GSE1: variants seen among roughly 807,000 people sequenced by gnomAD.
GSE1 encodes the protein Gse1 coiled-coil protein.
A neutral mutation model predicts 112.6 loss-of-function variants in GSE1; 32 were observed. The ratio of observed to expected loss-of-function variants is 0.28; its 90% CI spans 0.21 to 0.38. GSE1 has a LOEUF of 0.38. Among genes scored for constraint, GSE1 ranks in the 10% least tolerant of loss-of-function variants. The probability of loss-of-function intolerance (pLI) is 1.00; values close to 1 mark genes in which losing one functional copy is unlikely to be tolerated. For missense variants in GSE1, 2,348 were observed against 1,699.2 expected (o/e 1.38, Z -6.71); for synonymous variants, 1,115 against 735.6 (o/e 1.52, Z -8.35).
rs1273673002 is a variant in GSE1 at position 85,193,737 on chromosome 16, G to A, written c.2283+21930G>A. ...GCCTCCCAAAGTGCTGGGATTACAG[G>A]CATGAGCCACTGCATCCAGCCAATT... On this transcript the variant is annotated intron_variant, in intron 1 of 2. Coordinates refer to the GSE1 transcript ENST00000637419. 2.0e-5 allele frequency among the ~76,000 whole-genome samples: 3 copies of A among 152,212 alleles called. No individual in the cohort carries two copies. In the East Asian group the frequency reaches 5.8e-4, roughly 29 times the overall value.
chr16:85,331,533 ATGTGTATATG>A (rs368267189), intron 1 of GSE1, among the ~76,000 whole-genome samples: 16 of 109,868 alleles, frequency 1.5e-4, no homozygotes, highest in Admixed American at 2.8e-4. Flanking sequence ...ATATGTGTAT[ATGTGTATATG>A]TGTGTATATA....
chr16:85,415,447 C>G (rs984053722), intron 2 of GSE1, among the ~76,000 whole-genome samples: 1 of 152,192 alleles, frequency 6.6e-6, no homozygotes, highest in Non-Finnish European at 1.5e-5. Context: ...CTGGGGTTTG[C>G]TACGGCAAAC....
At chr16:85,622,226 C>T (rs1180045758) in intron 1 of GSE1, among the ~76,000 whole-genome samples, 2 of 152,194 alleles carry the variant, frequency 1.3e-5, no homozygotes, top group Admixed American at 1.3e-4. Flanking sequence ...TCCTGGACAG[C>T]TCCATTCCAA....
intron 1 of GSE1, among the ~76,000 whole-genome samples, chr16:85,271,735 T>A (rs1202672059): frequency 6.6e-6 from 1 of 152,128 alleles, no homozygotes; most frequent in Non-Finnish European, 1.5e-5. Flanking sequence ...TTTCACCCTG[T>A]CTTGGGAGCC....
At chr16:85,539,282 T>C (rs1248964878) in intron 2 of GSE1, among the ~76,000 whole-genome samples, 1 of 152,230 alleles carries the variant, frequency 6.6e-6, no homozygotes, top group African/African-American at 2.4e-5. Flanking sequence ...ATTAGCTGCA[T>C]GCACATGTTT....
intron 2 of GSE1, among the ~76,000 whole-genome samples, chr16:85,455,581 T>C (rs535654896): frequency 2.0e-5 from 3 of 152,288 alleles, no homozygotes; most frequent in East Asian, 3.9e-4. Flanking sequence ...CTCTGCTCAT[T>C]TGGGGGACCC....
chr16:85,238,707 C>T (rs919754419), intron 1 of GSE1, among the ~76,000 whole-genome samples: 3 of 152,224 alleles, frequency 2.0e-5, no homozygotes, highest in Non-Finnish European at 2.9e-5. Context: ...GCCCTTGGGG[C>T]GCTCAGCAGG....
intron 2 of GSE1, among the ~76,000 whole-genome samples, chr16:85,548,450 A>G (rs1347845839): frequency 6.6e-6 from 1 of 151,814 alleles, no homozygotes; most frequent in Admixed American, 6.6e-5. Context: ...CTCTGTCATC[A>G]TGAGATCCAC....
intron 1 of GSE1, among the ~76,000 whole-genome samples, chr16:85,246,929 C>T (rs570031496): frequency 2.0e-5 from 3 of 152,162 alleles, no homozygotes; most frequent in East Asian, 3.9e-4. Flanking sequence ...GTTGGGTTAC[C>T]CCCTGCTAAT....
At chr16:85,551,710 T>G (rs2044924175), upstream of GSE1, among the ~76,000 whole-genome samples, 1 of 152,212 alleles carries the variant, frequency 6.6e-6, no homozygotes, top group Admixed American at 6.5e-5. Flanking sequence ...CTAACCTACT[T>G]TGAGACGCCC....
rs118180177 is a variant in GSE1, at chr16:85,449,538, C to T, written c.2464+91895C>T. The stretch of plus-strand genomic sequence containing the variant: ...CCATAGGCCCAGATGAAGTAAGCAA[C>T]GCTTGCCAAGTGAGATTGATTGGAA... On this transcript the variant is annotated intron_variant, in intron 2 of 2. Transcript: ENST00000637419. 1.5e-3 allele frequency among the ~76,000 whole-genome samples: 231 copies of T among 152,382 alleles called. 3 individuals are homozygous for T. The East Asian group carries it at 0.04, about 26-fold the overall frequency.
chr16:85,592,254 C>G (rs2047035090), intron 1 of GSE1: 1 of 152,008 alleles, frequency 6.6e-6, no homozygotes, highest in South Asian at 2.1e-4. Context: ...CTTCCGCTTC[C>G]TGGGTTCAAG....
exon 1 of GSE1, chr16:85,556,245 G>C (rs2045205196): frequency 2.0e-6 from 2 of 984,658 alleles, no homozygotes; most frequent in African/African-American, 3.5e-5. Flanking sequence ...GGCTTGAACG[G>C]TGCTTTTTGT....
chr16:85,575,071 G>C (rs973448363), intron 1 of GSE1, among the ~76,000 whole-genome samples: 1 of 142,242 alleles, frequency 7.0e-6, no homozygotes, highest in Non-Finnish European at 1.5e-5. Context: ...GGCTTTTTAC[G>C]CTCCAGTTAA....
intron 1 of GSE1, chr16:85,556,467 C>A: frequency 5.7e-6 from 2 of 348,738 alleles, no homozygotes; most frequent in Non-Finnish European, 8.0e-6. Context: ...AGGGTCGGGG[C>A]ATTGGGTCCG....
chr16:85,643,770 C>T (rs2050633039), intron 2 of GSE1, among the ~76,000 whole-genome samples: 1 of 152,124 alleles, frequency 6.6e-6, no homozygotes, highest in Admixed American at 6.5e-5. Context: ...AGCTCCTGCT[C>T]CCAGCTCCCC....
chr16:85,190,408 A>T (rs74031721), intron 1 of GSE1, among the ~76,000 whole-genome samples: 2 of 152,166 alleles, frequency 1.3e-5, no homozygotes, highest in South Asian at 2.1e-4. Context: ...TTCATTTCTT[A>T]TACAAAGTAT....
chr16:85,273,004 G>A (rs891487163), intron 1 of GSE1, among the ~76,000 whole-genome samples: 4 of 152,184 alleles, frequency 2.6e-5, no homozygotes, highest in Admixed American at 6.5e-5. Context: ...TCAAACTCCC[G>A]ACCTCAGGTG....
intron 2 of GSE1, among the ~76,000 whole-genome samples, chr16:85,459,563 C>T (rs995212484): frequency 6.6e-6 from 1 of 152,196 alleles, no homozygotes; most frequent in Admixed American, 6.5e-5. Context: ...TCCAGAGAGA[C>T]CAGGGCATCC....
Sources: allele counts gnomAD v4.1 joint callset (sites outside exome capture counted in the v4.1 genomes callset), GRCh38; gene constraint gnomAD v4.1.1; transcripts MANE v1.5; gene names NCBI Gene and HGNC (gene_info 2026-07-23, HGNC 2026-07-21).